Variants in ACMSD observed in about 807,000 individuals in gnomAD.
ACMSD encodes the protein 2-amino-3-carboxymuconate-6-semialdehyde decarboxylase.
In ACMSD, 37 loss-of-function variants were observed where a neutral mutation model predicts 45.9. The observed-to-expected ratio is 0.81, with a 90% CI of 0.62 to 1.06. The LOEUF is 1.06. Among genes scored for constraint, ACMSD ranks in the 50% least tolerant of loss-of-function variants. ACMSD has a pLI of 0.00. For synonymous variants in ACMSD, 138 were observed against 148.8 expected (o/e 0.93, Z 0.53); for missense variants, 434 against 420.9 (o/e 1.03, Z -0.27).
At chr2:134,874,500 C>A (rs1688631712) in intron 8 of ACMSD, among the ~76,000 whole-genome samples, 1 of 152,124 alleles carries the variant, frequency 6.6e-6, no homozygotes. Context: ...GGCTAGAGAG[C>A]AACCTGGCCA....
intron 6 of ACMSD, among the ~76,000 whole-genome samples, chr2:134,868,061 G>A (rs1461298474): frequency 1.3e-5 from 2 of 152,026 alleles, no homozygotes; most frequent in Non-Finnish European, 2.9e-5. Context: ...CTCCCAAAGA[G>A]GCTTCAAAAA....
At chr2:134,893,825 G>T (rs571555385) in intron 8 of ACMSD, among the ~76,000 whole-genome samples, 6 of 152,278 alleles carry the variant, frequency 3.9e-5, no homozygotes, top group Admixed American at 3.9e-4. Context: ...TAGTAGACCT[G>T]CCATACAAGA....
chr2:134,900,594 C>G (rs1043283189), intron 9 of ACMSD, among the ~76,000 whole-genome samples: 1 of 152,152 alleles, frequency 6.6e-6, no homozygotes, highest in Non-Finnish European at 1.5e-5. Flanking sequence ...TTGCTAAGAT[C>G]TTACTTTGTA....
intron 8 of ACMSD, 197 bp downstream of exon 8, chr2:134,872,838 T>C (rs1688526734): frequency 1.7e-6 from 1 of 593,412 alleles, no homozygotes; most frequent in Admixed American, 3.0e-5. Flanking sequence ...ACAGAGTACA[T>C]AACACTAAGA....
At position 134,863,809 on chromosome 2, in the gene ACMSD, TC is replaced by T. The variant is rs138238069; in HGVS notation, c.486+180del. 9.6e-3 allele frequency among the ~76,000 whole-genome samples: 1,459 copies of T among 152,212 alleles called. 23 individuals are homozygous for T. The highest frequency in any genetic ancestry group is 0.034 in the African/African-American group (1,394 of 41,534). Reference sequence around the variant, plus strand: ...TAGCCCCCGCAAAGGAGTGGGCCATTCCAAAGAGGAACTGGTGGAAGGGTTC... The same window carrying T: ...TAGCCCCCGCAAAGGAGTGGGCCATTCAAAGAGGAACTGGTGGAAGGGTTC... On this transcript the variant is annotated intron_variant, in intron 5 of 9. Transcript: ENST00000356140.
At chr2:134,871,463 G>A (rs1688431905) in intron 7 of ACMSD, among the ~76,000 whole-genome samples, 1 of 151,130 alleles carries the variant, frequency 6.6e-6, no homozygotes, top group African/African-American at 2.4e-5. Flanking sequence ...TCACATGATG[G>A]TTTAGGAACC....
chr2:134,845,413 G>C, intron 2 of ACMSD, 136 bp downstream of exon 2: 1 of 858,640 alleles, frequency 1.2e-6, no homozygotes, highest in Non-Finnish European at 1.9e-6. Context: ...CAAGGGAACA[G>C]CACTGAGATT....
intron 1 of ACMSD, among the ~76,000 whole-genome samples, chr2:134,843,553 G>C (rs961459300): frequency 6.6e-6 from 1 of 152,120 alleles, no homozygotes; most frequent in Non-Finnish European, 1.5e-5. Context: ...AGCTAGGAAA[G>C]GAGTCCACCA....
At chr2:134,880,983 C>G (rs1342472578) in intron 8 of ACMSD, among the ~76,000 whole-genome samples, 1 of 152,154 alleles carries the variant, frequency 6.6e-6, no homozygotes, top group Non-Finnish European at 1.5e-5. Flanking sequence ...ACCAAAATAT[C>G]TATTCATATG....
At chr2:134,880,597 T>A (rs928877773) in intron 8 of ACMSD, among the ~76,000 whole-genome samples, 1 of 152,058 alleles carries the variant, frequency 6.6e-6, no homozygotes, top group Admixed American at 6.6e-5. Context: ...GTTCTCTGAA[T>A]TTTTTTTAAT....
chr2:134,844,711 G>A (rs1228771112), intron 1 of ACMSD, among the ~76,000 whole-genome samples: 1 of 152,164 alleles, frequency 6.6e-6, no homozygotes, highest in Non-Finnish European at 1.5e-5. Flanking sequence ...TGATGGAGGT[G>A]GGCTGGCATG....
chr2:134,850,558 A>T (rs1289971914), intron 2 of ACMSD, among the ~76,000 whole-genome samples: 2 of 152,216 alleles, frequency 1.3e-5, no homozygotes, highest in African/African-American at 4.8e-5. Context: ...GTGAGCCAAC[A>T]GGCTTGGCCA....
intron 7 of ACMSD, 74 bp downstream of exon 7, chr2:134,871,134 CAG>C: frequency 7.5e-7 from 1 of 1,333,126 alleles, no homozygotes; most frequent in East Asian, 2.3e-5. Flanking sequence ...TGTAAGAAAA[CAG>C]AAATTTATTT....
rs775298738 is a variant in ACMSD at position 134,863,482 on chromosome 2, G to A, written c.337G>A (p.Gly113Ser). The change falls in exon 5 of 10, where the codon GGT (glycine) becomes AGT (serine). Residue 113 changes from glycine (G) to serine (S), a missense_variant. Gly to Ser is a moderately conservative substitution (Grantham distance 56, BLOSUM62 0). Coordinates refer to ENST00000356140, the MANE Select transcript of ACMSD (RefSeq NM_138326.3). The part of the protein sequence containing the change: ...TVVSYPRRFV[G>S]LGTLPMQAPE... ...TGTGAGCTACCCCAGGAGGTTCGTG[G>A]GTCTGGGGACGTTGCCCATGCAGGC... The A allele has an allele frequency of 1.9e-6, 3 of 1,614,222 alleles. No homozygotes were observed. Among genetic ancestry groups the A allele is most frequent in the Non-Finnish European group, 1.7e-6 (2 of 1,180,042 alleles).
At chr2:134,898,284 C>A in intron 8 of ACMSD, 57 bp from the exon 9 acceptor site, 1 of 1,059,818 alleles carries the variant, frequency 9.4e-7, no homozygotes, top group Non-Finnish European at 1.3e-6. Context: ...CAATTGTTTA[C>A]AGGAGGCTCT....
At position 134,886,233 on chromosome 2, in the gene ACMSD, CATT is replaced by C. The variant is rs1170785128; in HGVS notation, c.850-12095_850-12093del. ...TACTTGGCAAAATTCATTACCCATT[CATT>C]ATTATTATTATTTTTTTTTTTTTTT... On this transcript the variant is annotated intron_variant, in intron 8 of 9. Coordinates refer to ENST00000356140, the MANE Select transcript of ACMSD (RefSeq NM_138326.3). Among the ~76,000 whole-genome samples the C allele has an allele frequency of 2.1e-3, 271 of 128,244 alleles. 1 individual carries two copies. The highest frequency in any genetic ancestry group is 9.8e-3 in the East Asian group (42 of 4,300). 84.1% of individuals were successfully genotyped at this position (128,244 alleles called of 152,430 possible).
intron 7 of ACMSD, among the ~76,000 whole-genome samples, chr2:134,872,026 G>A (rs1688478214): frequency 6.7e-6 from 1 of 148,404 alleles, no homozygotes; most frequent in South Asian, 2.1e-4. Context: ...GTGCAATCTC[G>A]GCTCACTGCA....
In ACMSD at chr2:134,868,604, T is replaced by C. The variant is rs561570580; in HGVS notation, c.580+932T>C. Among the ~76,000 whole-genome samples the C allele has an allele frequency of 4.7e-4, 72 of 151,790 alleles. 1 individual carries two copies. In the South Asian group the frequency reaches 0.011, roughly 22 times the overall value. ...AATAGCTGGGATTACAGGGGTACAA[T>C]GCCACGTCCAGCTAATCTTTGTATT... On this transcript the variant is annotated intron_variant, in intron 6 of 9. Transcript: ENST00000356140.
At chr2:134,868,341 A>G (rs1688227664) in intron 6 of ACMSD, among the ~76,000 whole-genome samples, 1 of 152,190 alleles carries the variant, frequency 6.6e-6, no homozygotes, top group Non-Finnish European at 1.5e-5. Flanking sequence ...TTGTGGTAAG[A>G]AGAGATAGAG....
Sources: gnomAD v4.1 joint callset for allele counts (sites outside exome capture counted in the v4.1 genomes callset) on GRCh38, gnomAD v4.1.1 for gene constraint, MANE v1.5 for transcripts, NCBI Gene and HGNC (gene_info 2026-07-23, HGNC 2026-07-21) for gene names.